The following ARHGAP42 variants were observed in gnomAD, a reference collection of about 807,000 sequenced individuals.
ARHGAP42 encodes the protein Rho GTPase activating protein 42, also known as rho GTPase-activating protein 42.
A neutral mutation model predicts 125.0 loss-of-function variants in ARHGAP42; 63 were observed. The ratio of observed to expected loss-of-function variants is 0.50; its 90% CI spans 0.41 to 0.62. The LOEUF is 0.62. ARHGAP42 is among the 20% of genes least tolerant of loss of function. ARHGAP42 has a pLI of 0.00. For synonymous variants in ARHGAP42, 339 were observed against 351.0 expected (o/e 0.97, Z 0.38); for missense variants, 766 against 1,024.2 (o/e 0.75, Z 3.44).
At chr11:100,817,741 A>G (rs544235363) in intron 3 of ARHGAP42, among the ~76,000 whole-genome samples, 2 of 152,298 alleles carry the variant, frequency 1.3e-5, no homozygotes, top group East Asian at 3.9e-4. Flanking sequence ...TATAGATGAA[A>G]GAATTGAGGC....
chr11:100,917,992 G>T (rs578086591), intron 5 of ARHGAP42, among the ~76,000 whole-genome samples: 1 of 152,244 alleles, frequency 6.6e-6, no homozygotes, highest in South Asian at 2.1e-4. Flanking sequence ...TCAGATAAGA[G>T]ATCTTTTTAT....
intron 1 of ARHGAP42, among the ~76,000 whole-genome samples, chr11:100,749,887 T>C (rs12223958): frequency 0.061 from 9,330 of 152,224 alleles, 377 homozygotes; most frequent in East Asian, 0.19. Context: ...AGCTTCTCCT[T>C]ATTTGGTCTG....
chr11:100,976,255 A>C lies in ARHGAP42; in HGVS notation c.2054A>C (p.Glu685Ala). ...KSLGLWTTSP[E>A]SSSREDATKT... The stretch of plus-strand genomic sequence containing the variant: ...CTTGGTCTGTGGACAACTAGTCCTG[A>C]ATCAAGTTCCAGAGAAGATGCAACC... The change falls in exon 20 of 24, where the codon GAA becomes GCA. Residue 685 changes from glutamate (E) to alanine (A), a missense_variant. Glu to Ala is a moderately radical substitution (Grantham distance 107, BLOSUM62 -1). Coordinates refer to ENST00000298815, the MANE Select transcript of ARHGAP42 (RefSeq NM_152432.4). The C allele has an allele frequency of 6.4e-7, 1 of 1,551,668 alleles. No individual in the cohort carries two copies. Among genetic ancestry groups the C allele is most frequent in the Non-Finnish European group, 8.7e-7 (1 of 1,146,918 alleles).
chr11:100,747,843 G>C (rs900353119), intron 1 of ARHGAP42, among the ~76,000 whole-genome samples: 1 of 151,512 alleles, frequency 6.6e-6, no homozygotes, highest in East Asian at 1.9e-4. Context: ...TTTTTTTCAC[G>C]ACTTTCACAG....
chr11:100,967,266 TC>T (rs1208564307), intron 17 of ARHGAP42, among the ~76,000 whole-genome samples: 4 of 152,210 alleles, frequency 2.6e-5, no homozygotes, highest in African/African-American at 9.6e-5. Flanking sequence ...ATTGCTTTCT[TC>T]CTAAGAGTCC....
rs759057443 is a variant in ARHGAP42, at chr11:100,976,244, A to C, written c.2043A>C (p.Thr681=). ...GACAGAAAAGCCTTGGTCTGTGGAC[A>C]ACTAGTCCTGAATCAAGTTCCAGAG... ...SNGQKSLGLW[T]TSPESSSRED... Residue 681 remains threonine (T), a synonymous_variant, in exon 20 of 24, where the codon ACA becomes ACC. Coordinates refer to ENST00000298815, the MANE Select transcript of ARHGAP42 (RefSeq NM_152432.4). 2.4e-5 allele frequency: 37 copies of C among 1,551,548 alleles called. No individual in the cohort carries two copies. Among genetic ancestry groups the C allele is most frequent in the Non-Finnish European group, 8.7e-7 (1 of 1,146,930 alleles).
intron 4 of ARHGAP42, among the ~76,000 whole-genome samples, chr11:100,885,354 C>T (rs1301892134): frequency 1.3e-5 from 2 of 152,182 alleles, no homozygotes; most frequent in South Asian, 2.1e-4. Context: ...TCTGTTGAAT[C>T]TTAAAGAATC....
At chr11:100,760,845 T>C (rs1862684879) in intron 1 of ARHGAP42, among the ~76,000 whole-genome samples, 1 of 152,122 alleles carries the variant, frequency 6.6e-6, no homozygotes, top group South Asian at 2.1e-4. Flanking sequence ...ACACCAAATG[T>C]CCTTCCAAAG....
At chr11:100,812,923 A>G (rs2135062126) in intron 3 of ARHGAP42, among the ~76,000 whole-genome samples, 1 of 152,186 alleles carries the variant, frequency 6.6e-6, no homozygotes, top group East Asian at 1.9e-4. Flanking sequence ...AATTTAAAGG[A>G]CTACCCTAAT....
Position 100,944,609 on chromosome 11 carries a change from C to T in ARHGAP42, c.1043+741C>T, listed in dbSNP as rs76902365. Among the ~76,000 whole-genome samples, 5 of 151,712 alleles carry T rather than the reference C, an allele frequency of 3.3e-5. No homozygotes were observed. In the East Asian group the frequency reaches 9.8e-4, roughly 30 times the overall value. On this transcript the variant is annotated intron_variant, in intron 10 of 23. Transcript: ENST00000298815. ...GAGATATTGCAGGTTAGGTTCCAAA[C>T]CACTGTAATAAAGCGAATATCATAA...
At chr11:100,756,619 C>G (rs1862583691) in intron 1 of ARHGAP42, among the ~76,000 whole-genome samples, 1 of 152,152 alleles carries the variant, frequency 6.6e-6, no homozygotes, top group African/African-American at 2.4e-5. Context: ...TGATTAAAGC[C>G]TGGCATAAAT....
intron 4 of ARHGAP42, among the ~76,000 whole-genome samples, chr11:100,910,549 C>T (rs962333655): frequency 1.3e-5 from 2 of 151,962 alleles, no homozygotes; most frequent in African/African-American, 4.8e-5. Context: ...TTTCCCCTTC[C>T]TTAAGCAGCG....
intron 16 of ARHGAP42, among the ~76,000 whole-genome samples, chr11:100,965,154 T>G (rs1858058320): frequency 6.6e-6 from 1 of 152,000 alleles, no homozygotes; most frequent in Admixed American, 6.6e-5. Context: ...CAGCATAGGG[T>G]AACCGCCCAA....
At chr11:100,933,305 T>C in intron 7 of ARHGAP42, 45 bp downstream of exon 7, 2 of 1,380,474 alleles carry the variant, frequency 1.4e-6, no homozygotes, top group South Asian at 1.4e-5. Flanking sequence ...AATCTGCAAA[T>C]CTGATTTCAC....
intron 3 of ARHGAP42, among the ~76,000 whole-genome samples, chr11:100,807,873 C>T (rs2135054265): frequency 6.6e-6 from 1 of 152,250 alleles, no homozygotes. Flanking sequence ...TGCTGTTGGC[C>T]ATCACTTTCC....
intron 1 of ARHGAP42, among the ~76,000 whole-genome samples, chr11:100,710,319 C>T (rs1861540069): frequency 6.6e-6 from 1 of 151,942 alleles, no homozygotes; most frequent in Admixed American, 6.5e-5. Context: ...TCTCCACCTC[C>T]CGGTTGAAAC....
chr11:100,790,505 G>A (rs1863540336), intron 2 of ARHGAP42, among the ~76,000 whole-genome samples: 1 of 152,184 alleles, frequency 6.6e-6, no homozygotes, highest in Non-Finnish European at 1.5e-5. Flanking sequence ...CAGTTGGACA[G>A]GAAGGGAGAG....
intron 1 of ARHGAP42, among the ~76,000 whole-genome samples, chr11:100,689,263 T>G (rs1167953688): frequency 1.3e-5 from 2 of 152,210 alleles, no homozygotes; most frequent in Non-Finnish European, 2.9e-5. Flanking sequence ...ACATAAACAC[T>G]AATGTGAACT....
intron 4 of ARHGAP42, among the ~76,000 whole-genome samples, chr11:100,884,260 A>G (rs1466354532): frequency 6.6e-6 from 1 of 152,228 alleles, no homozygotes; most frequent in Non-Finnish European, 1.5e-5. Flanking sequence ...TAGCAACCAC[A>G]GCAATTTAAA....
Sources: gnomAD v4.1 joint callset for allele counts (sites outside exome capture counted in the v4.1 genomes callset) on GRCh38, gnomAD v4.1.1 for gene constraint, MANE v1.5 for transcripts, NCBI Gene and HGNC (gene_info 2026-07-23, HGNC 2026-07-21) for gene names.